The following RSRC1 variants were observed in gnomAD, a reference collection of about 807,000 sequenced individuals.
The protein encoded by RSRC1 is arginine and serine rich coiled-coil 1.
In RSRC1, 39 loss-of-function variants were observed where a neutral mutation model predicts 49.1. The observed-to-expected ratio is 0.79, with a 90% CI of 0.61 to 1.04. The LOEUF is 1.04. Among genes scored for constraint, RSRC1 ranks in the 50% least tolerant of loss-of-function variants. The probability of loss-of-function intolerance (pLI) is 0.00; values close to 1 mark genes in which losing one functional copy is unlikely to be tolerated. For synonymous variants in RSRC1, 143 were observed against 130.8 expected (o/e 1.09, Z -0.63); for missense variants, 388 against 402.4 (o/e 0.96, Z 0.31).
intron 7 of RSRC1, among the ~76,000 whole-genome samples, chr3:158,467,127 A>G (rs1316528422): frequency 1.3e-5 from 2 of 152,208 alleles, no homozygotes; most frequent in African/African-American, 4.8e-5. Context: ...AACACAAAAG[A>G]GTATGACGAT....
intron 3 of RSRC1, among the ~76,000 whole-genome samples, chr3:158,151,916 A>G (rs6776109): frequency 0.63 from 95,767 of 151,918 alleles, 30,815 homozygotes; most frequent in African/African-American, 0.73. Flanking sequence ...TGTAACATAT[A>G]TTTAATATTG....
At chr3:158,255,204 C>T (rs1724467752) in intron 4 of RSRC1, among the ~76,000 whole-genome samples, 2 of 152,086 alleles carry the variant, frequency 1.3e-5, no homozygotes, top group Non-Finnish European at 2.9e-5. Flanking sequence ...TTAGGTCTAC[C>T]ATTTAAGTCT....
At chr3:158,425,759 G>A (rs1735389644) in intron 6 of RSRC1, among the ~76,000 whole-genome samples, 1 of 151,842 alleles carries the variant, frequency 6.6e-6, no homozygotes, top group Non-Finnish European at 1.5e-5. Flanking sequence ...TTATGAATCT[G>A]GGTGCTCCTT....
intron 3 of RSRC1, chr3:158,132,228 C>T (rs1214786607): frequency 5.2e-6 from 2 of 383,552 alleles, no homozygotes; most frequent in East Asian, 1.5e-4. Context: ...TCAAGCGATC[C>T]CCCTGCCTTG....
At chr3:158,418,007 G>T (rs1216531266) in intron 6 of RSRC1, among the ~76,000 whole-genome samples, 1 of 151,836 alleles carries the variant, frequency 6.6e-6, no homozygotes. Context: ...TATAAGTTTT[G>T]CAGAATAGCT....
At chr3:158,216,446 C>T (rs1196327972) in intron 4 of RSRC1, among the ~76,000 whole-genome samples, 1 of 151,012 alleles carries the variant, frequency 6.6e-6, no homozygotes, top group Non-Finnish European at 1.5e-5. Context: ...TCCTCTTCAC[C>T]AGTTCTCAAT....
At chr3:158,261,006 T>C (rs564348300) in intron 4 of RSRC1, among the ~76,000 whole-genome samples, 4 of 152,322 alleles carry the variant, frequency 2.6e-5, no homozygotes, top group African/African-American at 9.6e-5. Context: ...CTTTCCTTAA[T>C]GTGGTGTTAA....
At chr3:158,213,718 C>G (rs190248143) in intron 4 of RSRC1, among the ~76,000 whole-genome samples, 1 of 151,914 alleles carries the variant, frequency 6.6e-6, no homozygotes, top group African/African-American at 2.4e-5. Context: ...TGTCATGTTG[C>G]AGCCTTAGCT....
intron 7 of RSRC1, among the ~76,000 whole-genome samples, chr3:158,474,187 T>C (rs1738270129): frequency 6.6e-6 from 1 of 152,172 alleles, no homozygotes; most frequent in South Asian, 2.1e-4. Context: ...ACAGATACTT[T>C]GGAGACACTG....
intron 3 of RSRC1, among the ~76,000 whole-genome samples, chr3:158,179,508 T>C (rs1449870930): frequency 2.0e-5 from 3 of 152,176 alleles, no homozygotes; most frequent in Non-Finnish European, 2.9e-5. Context: ...TATGTAACCT[T>C]TGAGATTGGC....
chr3:158,451,618 C>G (rs1164467515), intron 6 of RSRC1, among the ~76,000 whole-genome samples: 1 of 151,982 alleles, frequency 6.6e-6, no homozygotes, highest in Non-Finnish European at 1.5e-5. Flanking sequence ...TAAATATCCC[C>G]TTTCTATCTT....
intron 1 of RSRC1, among the ~76,000 whole-genome samples, chr3:158,111,760 A>G (rs1448748161): frequency 6.6e-6 from 1 of 152,176 alleles, no homozygotes; most frequent in Non-Finnish European, 1.5e-5. Flanking sequence ...ATACTGAGTG[A>G]GTAGTGGAGA....
intron 7 of RSRC1, among the ~76,000 whole-genome samples, chr3:158,480,321 G>A (rs1346171259): frequency 1.3e-5 from 2 of 151,842 alleles, no homozygotes; most frequent in African/African-American, 4.8e-5. Flanking sequence ...AAGTTCAGAA[G>A]CTCAACTAAG....
rs140772683 is a variant in RSRC1 at position 158,364,457 on chromosome 3, T to A, written c.583+9549T>A. Among the ~76,000 whole-genome samples the A allele has an allele frequency of 3.0e-4, 45 of 152,288 alleles. 1 individual carries two copies. The East Asian group carries it at 7.7e-3, about 26-fold the overall frequency. On this transcript the variant is annotated intron_variant, in intron 6 of 9. Transcript: ENST00000611884. ...TATATAGGCTTATGCTTGATTGTGTTTTGGTAGTCCAGATTTATATTGTTT... is the reference window on the plus strand; with the variant it reads ...TATATAGGCTTATGCTTGATTGTGTATTGGTAGTCCAGATTTATATTGTTT...
chr3:158,293,132 GAT>G (rs983705509), intron 4 of RSRC1, among the ~76,000 whole-genome samples: 2 of 152,054 alleles, frequency 1.3e-5, no homozygotes, highest in African/African-American at 4.8e-5. Flanking sequence ...GTCCCAATGT[GAT>G]ATGTGTTAAG....
At position 158,512,766 on chromosome 3, in the gene RSRC1, T is replaced by G. The variant is rs576590766; in HGVS notation, c.653-24326T>G. Reference sequence around the variant, plus strand: ...CCATGAGCATGGAATATTCTTCCATTTGTTTGTATCCTCTTTTATTTCATT... The same window carrying G: ...CCATGAGCATGGAATATTCTTCCATGTGTTTGTATCCTCTTTTATTTCATT... On this transcript the variant is annotated intron_variant, in intron 7 of 9. Transcript: ENST00000611884. Among the ~76,000 whole-genome samples, 5 of 151,874 alleles carry G rather than the reference T, an allele frequency of 3.3e-5. No homozygotes were observed. The East Asian group carries it at 7.8e-4, about 24-fold the overall frequency.
At chr3:158,414,639 G>T (rs182495471) in intron 6 of RSRC1, among the ~76,000 whole-genome samples, 2 of 151,858 alleles carry the variant, frequency 1.3e-5, no homozygotes, top group African/African-American at 4.8e-5. Context: ...AGATGATTAC[G>T]TGAGCCCAGG....
At chr3:158,153,445 A>G (rs1263735176) in intron 3 of RSRC1, among the ~76,000 whole-genome samples, 3 of 152,178 alleles carry the variant, frequency 2.0e-5, no homozygotes, top group African/African-American at 7.2e-5. Flanking sequence ...GCTAGCCACA[A>G]TGTTTCTGCT....
At chr3:158,478,017 G>A (rs748349958) in intron 7 of RSRC1, among the ~76,000 whole-genome samples, 1 of 150,640 alleles carries the variant, frequency 6.6e-6, no homozygotes, top group Non-Finnish European at 1.5e-5. Flanking sequence ...TATGATCTCA[G>A]CACTGTACTT....
Sources: gnomAD v4.1 joint callset for allele counts (sites outside exome capture counted in the v4.1 genomes callset) on GRCh38, gnomAD v4.1.1 for gene constraint, MANE v1.5 for transcripts, NCBI Gene and HGNC (gene_info 2026-07-23, HGNC 2026-07-21) for gene names.